ACACA: variants seen among roughly 807,000 people sequenced by gnomAD.
The protein encoded by ACACA is acetyl-CoA carboxylase alpha, also known as acetyl-CoA carboxylase 1.
Under a neutral mutation model 296.1 loss-of-function variants are expected in ACACA, and 103 were observed. That is an observed-to-expected ratio of 0.35 (90% CI 0.30 to 0.41). ACACA has a LOEUF of 0.41. Ranked by LOEUF, ACACA falls within the 10% of genes least tolerant of loss-of-function variation. The pLI, the probability that ACACA is intolerant of heterozygous loss-of-function variation, is 1.00. For missense variants in ACACA, 1,554 were observed against 2,989.7 expected, an observed-to-expected ratio of 0.52 and a Z score of 11.20; for synonymous variants, 953 against 1,038.6, an observed-to-expected ratio of 0.92 and a Z score of 1.58.
chr17:37,254,987 G>C (rs1226750857), intron 14 of ACACA, among the ~76,000 whole-genome samples: 4 of 152,060 alleles, frequency 2.6e-5, no homozygotes, highest in African/African-American at 4.8e-5. Flanking sequence ...TGTAATCCCA[G>C]TTACTCAGGA....
intron 5 of ACACA, among the ~76,000 whole-genome samples, chr17:37,280,202 CTTTT>C (rs2082448896): frequency 6.6e-6 from 1 of 151,966 alleles, no homozygotes; most frequent in South Asian, 2.1e-4. Flanking sequence ...GTTTAGATTT[CTTTT>C]TTGTTTGTTT....
intron 45 of ACACA, chr17:37,141,104 T>C (rs2075555646): frequency 8.8e-6 from 4 of 453,166 alleles, no homozygotes; most frequent in Non-Finnish European, 1.7e-5. Flanking sequence ...GCAACAAACA[T>C]CTTGAACCTG....
At chr17:37,151,238 G>GA (rs1232587581) in intron 44 of ACACA, 63 bp downstream of exon 44, 17 of 1,603,728 alleles carry the variant, frequency 1.1e-5, no homozygotes, top group Non-Finnish European at 1.4e-5. Flanking sequence ...AGTGATAAGA[G>GA]AAAAAAATAA....
intron 50 of ACACA, among the ~76,000 whole-genome samples, chr17:37,115,444 G>C (rs2074198680): frequency 6.6e-6 from 1 of 151,766 alleles, no homozygotes; most frequent in Non-Finnish European, 1.5e-5. Context: ...GAAATGAAAG[G>C]TATAGATAAA....
intron 10 of ACACA, 142 bp downstream of exon 10, chr17:37,270,609 A>G (rs2082026340): frequency 7.4e-6 from 5 of 675,854 alleles, no homozygotes; most frequent in Middle Eastern, 4.0e-4. Context: ...ATATGCAGGT[A>G]GAAACTAGAG....
rs2145960811 is a variant in ACACA at position 37,243,251 on chromosome 17, G to A, written c.2931+120C>T. ...GAGGCAGTTTTGTGAGGAATACAAT[G>A]CTTAAAAGTATACAAGCACAACATC... is the stretch of plus-strand genomic sequence containing the variant. On this transcript the variant is annotated intron_variant, in intron 22 of 55. Transcript: ENST00000616317. The A allele has an allele frequency of 1.6e-5, 17 of 1,066,430 alleles. No homozygotes were observed. The South Asian group carries it at 2.3e-4, about 14-fold the overall frequency. 66.1% of individuals were successfully genotyped at this position (1,066,430 alleles called of 1,614,324 possible). A position where few individuals can be genotyped will look rare whatever the true frequency, so the allele number is the denominator to read the frequency against.
intron 2 of ACACA, among the ~76,000 whole-genome samples, chr17:37,333,109 G>C (rs564733330): frequency 2.6e-5 from 4 of 152,222 alleles, no homozygotes; most frequent in Non-Finnish European, 5.9e-5. Flanking sequence ...TGCTCAGCTG[G>C]CAGAACTCAT....
chr17:37,185,409 T>C (rs1348126532), intron 39 of ACACA, among the ~76,000 whole-genome samples: 1 of 133,972 alleles, frequency 7.5e-6, no homozygotes, highest in Non-Finnish European at 1.6e-5. Flanking sequence ...TTTCTTTTTT[T>C]TTTTTTTTTT....
At chr17:37,268,741 C>CTATCTATATATATATATA (rs1219982787) in intron 10 of ACACA, among the ~76,000 whole-genome samples, 3 of 94,510 alleles carry the variant, frequency 3.2e-5, no homozygotes, top group Admixed American at 1.3e-4. Context: ...ATCTATCTAT[C>CTATCTATATATATATATA]TATATATATA....
chr17:37,393,919 C>T (rs764475230), intron 1 of ACACA, among the ~76,000 whole-genome samples: 26 of 152,086 alleles, frequency 1.7e-4, no homozygotes, highest in Non-Finnish European at 3.1e-4. Context: ...CAATTTGTTT[C>T]CCCTGACAAA....
At chr17:37,174,792 A>C (rs1173981120) in intron 41 of ACACA, among the ~76,000 whole-genome samples, 1 of 152,036 alleles carries the variant, frequency 6.6e-6, no homozygotes, top group South Asian at 2.1e-4. Context: ...CAGCCTCCCA[A>C]AGTGCTGGGA....
chr17:37,333,445 A>T (rs990568087), intron 2 of ACACA, among the ~76,000 whole-genome samples: 2 of 152,128 alleles, frequency 1.3e-5, no homozygotes, highest in Admixed American at 1.3e-4. Flanking sequence ...TGCTTATAGA[A>T]GGACACCTAG....
In ACACA at chr17:37,336,328, G is replaced by T. The variant is rs370766433; in HGVS notation, c.85+3476C>A. 2.4e-4 allele frequency among the ~76,000 whole-genome samples: 36 copies of T among 152,250 alleles called. No homozygotes were observed. The East Asian group carries it at 6.4e-3, about 27-fold the overall frequency. ...TTGTTGGCCAACCTCCCCAACAGCAGTTGGGTTTTCCTGTTGAGAGGGGGG... is the reference window on the plus strand; with the variant it reads ...TTGTTGGCCAACCTCCCCAACAGCATTTGGGTTTTCCTGTTGAGAGGGGGG... On this transcript the variant is annotated intron_variant, in intron 2 of 55. Coordinates refer to ENST00000616317, the MANE Select transcript of ACACA (RefSeq NM_198834.3).
At chr17:37,235,720 G>C (rs1389050903) in intron 24 of ACACA, among the ~76,000 whole-genome samples, 1 of 152,140 alleles carries the variant, frequency 6.6e-6, no homozygotes, top group Non-Finnish European at 1.5e-5. Flanking sequence ...GTTAGTCCTT[G>C]AAACAGCTAA....
intron 43 of ACACA, among the ~76,000 whole-genome samples, chr17:37,152,377 G>A (rs8077266): frequency 0.035 from 5,269 of 152,286 alleles, 148 homozygotes; most frequent in Non-Finnish European, 0.054. Context: ...TACGTAGGAA[G>A]AGAATATCCA....
chr17:37,250,585 C>A (rs1349866796), intron 16 of ACACA, among the ~76,000 whole-genome samples: 1 of 151,908 alleles, frequency 6.6e-6, no homozygotes, highest in African/African-American at 2.4e-5. Context: ...TTACAGTGAG[C>A]AGAGATCACG....
At chr17:37,299,617 A>C in intron 3 of ACACA, 1 of 1,214,056 alleles carries the variant, frequency 8.2e-7, no homozygotes, top group Non-Finnish European at 1.0e-6. Context: ...TTCCCAAGGG[A>C]ACTGAGAGGA....
chr17:37,325,186 C>G (rs1311853748), intron 3 of ACACA, among the ~76,000 whole-genome samples: 12 of 137,178 alleles, frequency 8.7e-5, no homozygotes, highest in South Asian at 6.9e-4. Flanking sequence ...GGGGACAGAG[C>G]GAGACTCCCT....
At chr17:37,231,121 C>T (rs895453279) in intron 25 of ACACA, among the ~76,000 whole-genome samples, 48 of 152,072 alleles carry the variant, frequency 3.2e-4, no homozygotes, top group Non-Finnish European at 6.8e-4. Context: ...TGCCTGTAGT[C>T]CCAGCATTTT....
Sources: allele counts gnomAD v4.1 joint callset (sites outside exome capture counted in the v4.1 genomes callset), GRCh38; gene constraint gnomAD v4.1.1; transcripts MANE v1.5; gene names NCBI Gene and HGNC (gene_info 2026-07-23, HGNC 2026-07-21).